MFSD12: variants seen among roughly 807,000 people sequenced by gnomAD.
The protein encoded by MFSD12 is major facilitator superfamily domain containing 12, also known as major facilitator superfamily domain-containing protein 12.
A neutral mutation model predicts 51.2 loss-of-function variants in MFSD12; 67 were observed. The observed-to-expected ratio is 1.31, with a 90% CI of 1.08 to 1.60. The LOEUF (loss-of-function observed/expected upper bound fraction) is 1.60. MFSD12 is among the 40% of genes most tolerant of loss of function. The pLI is 0.00. For missense variants in MFSD12, 921 were observed against 673.0 expected, an observed-to-expected ratio of 1.37 and a Z score of -4.08; for synonymous variants, 441 against 316.7, an observed-to-expected ratio of 1.39 and a Z score of -4.17.
Position 3,544,322 on chromosome 19 carries a change from C to T in MFSD12, c.*388G>A, listed in dbSNP as rs376313620. ...GTGGCTGTCTCCTCCAGGCTCCAGC[C>T]GTCCTGAGGGGGCCCTGGCAGTGTC... On this transcript the variant is annotated 3_prime_UTR_variant, in exon 10 of 10. Transcript: ENST00000355415. The T allele has an allele frequency of 3.6e-4, 459 of 1,270,022 alleles. 3 individuals are homozygous for T. In the South Asian group the frequency reaches 4.6e-3, roughly 13 times the overall value. The allele number at this position is 1,270,022 out of a possible 1,614,324, so 78.7% of individuals were successfully genotyped here.
At chr19:3,542,937 G>GCCCTTGTCCTCTC (rs749592369), downstream of MFSD12, 3 of 1,479,288 alleles carry the variant, frequency 2.0e-6, no homozygotes, top group Non-Finnish European at 2.7e-6. Context: ...AGTAGCCAGG[G>GCCCTTGTCCTCTC]CCCTTGTCCT....
downstream of MFSD12, chr19:3,542,498 G>C (rs957306502): frequency 6.2e-6 from 6 of 975,184 alleles, no homozygotes; most frequent in Non-Finnish European, 6.1e-6. Context: ...TTTTGAGACA[G>C]AGTCTCACTC....
At chr19:3,541,958 C>CATCACCACACCTG (rs1201184400), downstream of MFSD12, 7 of 387,282 alleles carry the variant, frequency 1.8e-5, no homozygotes, top group East Asian at 1.6e-4. Flanking sequence ...CACAGGTGTC[C>CATCACCACACCTG]ATCACCACAC....
intron 6 of MFSD12, among the ~76,000 whole-genome samples, chr19:3,546,745 G>A (rs1464590534): frequency 6.6e-6 from 1 of 152,230 alleles, no homozygotes; most frequent in African/African-American, 2.4e-5. Flanking sequence ...GCACAGGGTG[G>A]ACAGAAAGCG....
downstream of MFSD12, chr19:3,543,919 C>T (rs1391755031): frequency 6.4e-7 from 1 of 1,551,120 alleles, no homozygotes; most frequent in East Asian, 2.4e-5. Context: ...CCGCCCGGCA[C>T]CACCCAGAAC....
chr19:3,552,128 G>T (rs968395800), intron 1 of MFSD12, among the ~76,000 whole-genome samples: 11 of 151,990 alleles, frequency 7.2e-5, no homozygotes, highest in Non-Finnish European at 1.2e-4. Context: ...CCTCCAAGGG[G>T]CCTGGGGAGA....
At chr19:3,544,978 A>ACCACCCCCCCG (rs1568253113) in intron 8 of MFSD12, 39 bp from the exon 9 acceptor site, 1 of 1,563,620 alleles carries the variant, frequency 6.4e-7, no homozygotes, top group South Asian at 1.2e-5. Context: ...CACCGCGGGT[A>ACCACCCCCCCG]CCACCCCCCC....
chr19:3,540,758 A>G (rs2030320410), downstream of MFSD12, among the ~76,000 whole-genome samples: 1 of 151,730 alleles, frequency 6.6e-6, no homozygotes, highest in Non-Finnish European at 1.5e-5. Flanking sequence ...TCATGCCTGT[A>G]ATCCCAGCTA....
At chr19:3,545,129 G>T (rs541276081) in intron 8 of MFSD12, among the ~76,000 whole-genome samples, 190 bp from the exon 9 acceptor site, 2 of 152,252 alleles carry the variant, frequency 1.3e-5, no homozygotes, top group African/African-American at 4.8e-5. Flanking sequence ...CCTGCTTCCA[G>T]CATCCATGCC....
chr19:3,539,438 C>A, downstream of MFSD12: 1 of 585,808 alleles, frequency 1.7e-6, no homozygotes, highest in Non-Finnish European at 3.1e-6. Context: ...TGGCCGCTCA[C>A]TGTGGGGGCT....
Position 3,544,362 on chromosome 19 carries a change from C to T in MFSD12, c.*348G>A. 3 of 1,278,398 alleles carry T rather than the reference C, an allele frequency of 2.3e-6. No individual in the cohort carries two copies. The highest frequency in any genetic ancestry group is 3.0e-6 in the Non-Finnish European group (3 of 1,012,322). 79.2% of individuals were successfully genotyped at this position (1,278,398 alleles called of 1,614,324 possible). ...CTGGCAGTGTCTGGAGACCCCCAGG[C>T]TGGAGGTGAGGGGTGAACTGGACTG... On this transcript the variant is annotated 3_prime_UTR_variant, in exon 10 of 10. Transcript: ENST00000355415.
rs758078163 is a variant in MFSD12, at chr19:3,557,318, T to C, written c.86A>G (p.His29Arg). The C allele has an allele frequency of 3.8e-6, 6 of 1,583,928 alleles. No individual in the cohort carries two copies. The highest frequency in any genetic ancestry group is 3.5e-5 in the Admixed American group (2 of 56,972). ...LVARLSYAVG[H>R]FLNDLCASMW... ...GGACGCGCACAGGTCGTTGAGGAAGTGGCCCACGGCGTAGCTCAGCCGCGC... is the reference window on the plus strand; with the variant it reads ...GGACGCGCACAGGTCGTTGAGGAAGCGGCCCACGGCGTAGCTCAGCCGCGC... Residue 29 changes from histidine (H) to arginine (R), a missense_variant, in exon 1 of 10, where the codon CAC becomes CGC. By Grantham distance (29) the His-to-Arg change is conservative. Coordinates refer to ENST00000355415, the MANE Select transcript of MFSD12 (RefSeq NM_174983.5).
chr19:3,545,208 C>G (rs537298826), intron 8 of MFSD12, among the ~76,000 whole-genome samples: 2 of 152,352 alleles, frequency 1.3e-5, no homozygotes, highest in African/African-American at 2.4e-5. Context: ...CTGCACCCGC[C>G]CCGGTCCCAG....
At chr19:3,542,626 G>A (rs1181010516), downstream of MFSD12, 13 of 976,884 alleles carry the variant, frequency 1.3e-5, no homozygotes, top group Admixed American at 1.1e-4. Context: ...GGTGCCCCCC[G>A]CCCCCACACC....
chr19:3,546,076 G>T lies in MFSD12; in HGVS notation c.1287C>A (p.Cys429Ter). The T allele has an allele frequency of 4.3e-6, 7 of 1,613,228 alleles. No individual in the cohort carries two copies. The highest frequency in any genetic ancestry group is 5.9e-6 in the Non-Finnish European group (7 of 1,179,840). Residue 429 changes from cysteine to a stop codon, truncating the protein, a stop_gained and splice_region_variant, in exon 8 of 10, where the codon TGC (cysteine) becomes TGA (stop). Coordinates refer to ENST00000355415, the MANE Select transcript of MFSD12 (RefSeq NM_174983.5). LOFTEE classifies it high-confidence loss of function. ...AATGAACGAACAGCGGCACTCACGG[G>T]CAAGGGTGCAGGCTCTGGATGGCCA... ...AVMAIQSLHP[C>*]PSELCCRACV...
In MFSD12 at chr19:3,548,236, C is replaced by T. The variant is rs573677816; in HGVS notation, c.541G>A (p.Val181Ile). Residue 181 changes from valine to isoleucine, a missense_variant, in exon 3 of 10, where the codon GTC becomes ATC. Physicochemically the swap from Val to Ile is conservative, Grantham distance 29. Coordinates refer to ENST00000355415, the MANE Select transcript of MFSD12 (RefSeq NM_174983.5). Reference protein sequence around the residue: ...YAFTVVANITVYGAAWLLLHL... With the variant: ...YAFTVVANITIYGAAWLLLHL... ...AGCAGGAGCCAGGCGGCGCCGTAGA[C>T]GGTGATGTTGGCCACCACGGTGAAC... 1.5e-5 allele frequency: 23 copies of T among 1,551,626 alleles called. No individual in the cohort carries two copies. The highest frequency in any genetic ancestry group is 3.9e-5 in the Admixed American group (2 of 51,214).
At chr19:3,543,404 A>C (rs1037778197), downstream of MFSD12, 2 of 1,547,358 alleles carry the variant, frequency 1.3e-6, no homozygotes, top group African/African-American at 1.4e-5. Context: ...GGCCCCGGCC[A>C]GCCCCTTCCG....
intron 2 of MFSD12, among the ~76,000 whole-genome samples, chr19:3,549,937 C>T (rs894979730): frequency 6.6e-6 from 1 of 152,152 alleles, no homozygotes; most frequent in Non-Finnish European, 1.5e-5. Context: ...GAGCGAGATC[C>T]TGTCAAGGGA....
Position 3,544,350 on chromosome 19 carries a change from G to T in MFSD12, c.*360C>A. ...CCTGAGGGGGCCCTGGCAGTGTCTGGAGACCCCCAGGCTGGAGGTGAGGGG... is the reference window on the plus strand; with the variant it reads ...CCTGAGGGGGCCCTGGCAGTGTCTGTAGACCCCCAGGCTGGAGGTGAGGGG... On this transcript the variant is annotated 3_prime_UTR_variant, in exon 10 of 10. Coordinates refer to ENST00000355415, the MANE Select transcript of MFSD12 (RefSeq NM_174983.5). 7.9e-7 allele frequency: 1 copy of T among 1,272,606 alleles called. No individual in the cohort carries two copies. The allele number at this position is 1,272,606 out of a possible 1,614,324, so 78.8% of individuals were successfully genotyped here. A position where few individuals can be genotyped will look rare whatever the true frequency, so the allele number is the denominator to read the frequency against.
Sources: allele counts gnomAD v4.1 joint callset (sites outside exome capture counted in the v4.1 genomes callset), GRCh38; gene constraint gnomAD v4.1.1; transcripts MANE v1.5; gene names NCBI Gene and HGNC (gene_info 2026-07-23, HGNC 2026-07-21).